Variants in PHACTR1 observed in about 807,000 individuals in gnomAD.
PHACTR1 encodes the protein RPEL repeat containing 1.
Under a neutral mutation model 69.2 loss-of-function variants are expected in PHACTR1, and 16 were observed. The observed-to-expected ratio is 0.23, with a 90% CI of 0.16 to 0.35. PHACTR1 has a LOEUF of 0.35. PHACTR1 is among the 10% of genes least tolerant of loss of function. PHACTR1 has a pLI of 1.00. For missense variants in PHACTR1, 510 were observed against 734.7 expected, an observed-to-expected ratio of 0.69 and a Z score of 3.54; for synonymous variants, 312 against 284.5, an observed-to-expected ratio of 1.10 and a Z score of -0.97.
chr6:12,945,677 A>C (rs995397697), intron 4 of PHACTR1, among the ~76,000 whole-genome samples: 1 of 152,198 alleles, frequency 6.6e-6, no homozygotes, highest in African/African-American at 2.4e-5. Context: ...TAAATGCTGA[A>C]GTTCAGCTGG....
intron 3 of PHACTR1, among the ~76,000 whole-genome samples, chr6:12,734,502 A>G (rs1415165951): frequency 2.0e-5 from 3 of 152,208 alleles, no homozygotes; most frequent in Non-Finnish European, 4.4e-5. Context: ...GCATGAAATC[A>G]TGTAACTATT....
intron 4 of PHACTR1, among the ~76,000 whole-genome samples, chr6:12,936,524 GAAT>G (rs939164015): frequency 6.6e-6 from 1 of 152,192 alleles, no homozygotes; most frequent in African/African-American, 2.4e-5. Context: ...GTTCAAGGTA[GAAT>G]AATTTAAGTG....
chr6:13,151,835 A>G (rs1471634437), intron 5 of PHACTR1, among the ~76,000 whole-genome samples: 2 of 152,106 alleles, frequency 1.3e-5, no homozygotes, highest in Non-Finnish European at 2.9e-5. Context: ...TAGCCTATGG[A>G]GGGAGAGAAA....
At chr6:13,229,602 G>A (rs780695016) in intron 9 of PHACTR1, among the ~76,000 whole-genome samples, 1 of 151,882 alleles carries the variant, frequency 6.6e-6, no homozygotes, top group Non-Finnish European at 1.5e-5. Flanking sequence ...AGCCTTCACC[G>A]CTGAACTTCT....
At chr6:13,051,449 T>A (rs1456198839) in intron 4 of PHACTR1, among the ~76,000 whole-genome samples, 2 of 152,176 alleles carry the variant, frequency 1.3e-5, no homozygotes, top group Non-Finnish European at 2.9e-5. Flanking sequence ...GCTTACATGA[T>A]CTGGTTCCAG....
At chr6:13,210,565 T>G (rs1003507480) in intron 8 of PHACTR1, among the ~76,000 whole-genome samples, 1 of 152,112 alleles carries the variant, frequency 6.6e-6, no homozygotes, top group Admixed American at 6.5e-5. Context: ...GGAGTTTGAG[T>G]CTTAGACACA....
At chr6:13,017,209 T>A (rs5008710) in intron 4 of PHACTR1, among the ~76,000 whole-genome samples, 46,037 of 132,984 alleles carry the variant, frequency 0.35, 11,673 homozygotes, top group African/African-American at 0.73. Flanking sequence ...AAAAAAAAAA[T>A]GCATCAACAA....
At position 13,199,383 on chromosome 6, in the gene PHACTR1, C is replaced by CAA. The variant is rs59070503; in HGVS notation, c.665-6404_665-6403dup. Among the ~76,000 whole-genome samples the CAA allele has an allele frequency of 7.9e-4, 62 of 78,252 alleles. 3 individuals are homozygous for CAA. Among genetic ancestry groups the CAA allele is most frequent in the African/African-American group, 1.0e-3 (17 of 16,516 alleles). The allele number at this position is 78,252 out of a possible 152,430, so 51.3% of individuals were successfully genotyped here. On this transcript the variant is annotated intron_variant, in intron 7 of 14. Transcript: ENST00000332995. ...TGGGCGACAAAGTGAGAGTCCATCT[C>CAA]AAAAAAAAAAAAAAAAAAAAAAAAA...
intron 4 of PHACTR1, among the ~76,000 whole-genome samples, chr6:12,839,985 A>G (rs1292722137): frequency 6.6e-6 from 1 of 152,156 alleles, no homozygotes; most frequent in African/African-American, 2.4e-5. Context: ...GATATTGATG[A>G]GAAATCACAA....
chr6:12,983,601 G>C (rs539629299), intron 4 of PHACTR1, among the ~76,000 whole-genome samples: 9 of 152,064 alleles, frequency 5.9e-5, no homozygotes, highest in Non-Finnish European at 1.3e-4. Context: ...CAACGTGCAG[G>C]TTTGTTACAT....
At chr6:12,895,415 T>C (rs1673532525) in intron 4 of PHACTR1, among the ~76,000 whole-genome samples, 1 of 152,148 alleles carries the variant, frequency 6.6e-6, no homozygotes, top group Admixed American at 6.5e-5. Flanking sequence ...ACTCCTGACC[T>C]CAGGTGATCT....
chr6:12,816,205 C>T (rs1775560441), intron 4 of PHACTR1, among the ~76,000 whole-genome samples: 1 of 152,208 alleles, frequency 6.6e-6, no homozygotes, highest in Non-Finnish European at 1.5e-5. Context: ...TAATGTATCG[C>T]CTTAATGTAC....
intron 11 of PHACTR1, chr6:13,274,023 A>G (rs969041833): frequency 2.0e-5 from 3 of 151,246 alleles, no homozygotes; most frequent in Non-Finnish European, 2.9e-5. Flanking sequence ...TACCGTGCTC[A>G]CTGTGGCCTT....
intron 10 of PHACTR1, chr6:13,230,545 CAAA>C (rs59473759): frequency 0.037 from 3,485 of 93,584 alleles, 102 homozygotes; most frequent in African/African-American, 0.12. Context: ...GACTCTGTCT[CAAA>C]AAAAAAAAAA....
chr6:12,735,223 TC>T (rs1581492457), intron 3 of PHACTR1, among the ~76,000 whole-genome samples: 3 of 84,500 alleles, frequency 3.6e-5, no homozygotes, highest in Admixed American at 2.5e-4. Context: ...TGCTGGTGTG[TC>T]TCCATCACGT....
chr6:13,110,614 C>G (rs568833853), intron 5 of PHACTR1, among the ~76,000 whole-genome samples: 1 of 152,180 alleles, frequency 6.6e-6, no homozygotes, highest in Non-Finnish European at 1.5e-5. Flanking sequence ...GAACTACAAC[C>G]TCCATCTCTT....
intron 5 of PHACTR1, among the ~76,000 whole-genome samples, chr6:13,149,988 A>T (rs1824057080): frequency 6.6e-6 from 1 of 152,064 alleles, no homozygotes; most frequent in African/African-American, 2.4e-5. Flanking sequence ...GAGAGGAAAA[A>T]AGTTCTAAAC....
chr6:12,726,084 A>G (rs905980298), intron 3 of PHACTR1, among the ~76,000 whole-genome samples: 6 of 152,186 alleles, frequency 3.9e-5, no homozygotes, highest in Admixed American at 2.6e-4. Context: ...ACATAGAGAT[A>G]TAGGCAATGG....
At chr6:13,011,012 C>G (rs920339121) in intron 4 of PHACTR1, among the ~76,000 whole-genome samples, 5 of 152,232 alleles carry the variant, frequency 3.3e-5, no homozygotes, top group African/African-American at 1.2e-4. Flanking sequence ...GCTGCCCATA[C>G]TAAGCTATAT....
Sources: allele counts gnomAD v4.1 joint callset (sites outside exome capture counted in the v4.1 genomes callset), GRCh38; gene constraint gnomAD v4.1.1; transcripts MANE v1.5; gene names NCBI Gene and HGNC (gene_info 2026-07-23, HGNC 2026-07-21).